The following MAST4 variants were observed in gnomAD, a reference collection of about 807,000 sequenced individuals.
MAST4 encodes microtubule-associated serine/threonine-protein kinase 4.
Under a neutral mutation model 162.7 loss-of-function variants are expected in MAST4, and 89 were observed. The ratio of observed to expected loss-of-function variants is 0.55; its 90% CI spans 0.46 to 0.65. The LOEUF is 0.65. Among genes scored for constraint, MAST4 ranks in the 30% least tolerant of loss-of-function variants. MAST4 has a pLI of 0.00. For synonymous variants in MAST4, 1,479 were observed against 1,361.1 expected (o/e 1.09, Z -1.91); for missense variants, 3,153 against 3,374.0 (o/e 0.93, Z 1.62).
chr5:66,677,861 T>C (rs142514871), intron 1 of MAST4, among the ~76,000 whole-genome samples: 6 of 152,202 alleles, frequency 3.9e-5, no homozygotes, highest in African/African-American at 1.2e-4. Context: ...GCAGGGTTCT[T>C]GTGATGTAGC....
chr5:66,722,553 G>A (rs1320423879), intron 1 of MAST4, among the ~76,000 whole-genome samples: 1 of 151,814 alleles, frequency 6.6e-6, no homozygotes, highest in Non-Finnish European at 1.5e-5. Context: ...ATCCCAGCAG[G>A]GTAGGGATCT....
rs1450114223 is a variant in MAST4, at chr5:67,166,635, A to G, written c.7456A>G (p.Lys2486Glu). The change falls in exon 29 of 29, where the codon AAG (lysine) becomes GAG (glutamate). Residue 2486 changes from lysine (K) to glutamate (E), a missense_variant. Coordinates refer to ENST00000403625, the MANE Select transcript of MAST4 (RefSeq NM_001164664.2). ...AGCCAGCAGCGACACCTCTTCTGCC[A>G]AGGCCGCCGGGGGCATGCTGGAGCT... is the stretch of plus-strand genomic sequence containing the variant. ...SAASSDTSSA[K>E]AAGGMLELPA... 1 of 1,601,322 alleles carries G rather than the reference A, an allele frequency of 6.2e-7. No homozygotes were observed. Among genetic ancestry groups the G allele is most frequent in the South Asian group, 1.1e-5 (1 of 88,730 alleles).
At chr5:66,886,441 C>A (rs26928) in intron 3 of MAST4, among the ~76,000 whole-genome samples, 52,900 of 151,724 alleles carry the variant, frequency 0.35, 10,352 homozygotes, top group Non-Finnish European at 0.45. Context: ...TGATAGGCTG[C>A]CTAAAACTTT....
chr5:66,708,564 C>T (rs1297951712), intron 1 of MAST4, among the ~76,000 whole-genome samples: 1 of 60,190 alleles, frequency 1.7e-5, no homozygotes, highest in Non-Finnish European at 3.9e-5. Flanking sequence ...ACTGTTCTGA[C>T]CTCCTTGTCT....
chr5:67,153,079 G>A (rs1482864024), intron 25 of MAST4, among the ~76,000 whole-genome samples: 2 of 152,162 alleles, frequency 1.3e-5, no homozygotes, highest in African/African-American at 4.8e-5. Context: ...TTTCATATTC[G>A]ATTGTTCTTT....
At chr5:66,707,430 C>T (rs1750207466) in intron 1 of MAST4, among the ~76,000 whole-genome samples, 1 of 152,100 alleles carries the variant, frequency 6.6e-6, no homozygotes, top group Admixed American at 6.5e-5. Context: ...AAAGTACCAC[C>T]AACAAGGGGG....
At chr5:67,074,008 A>T (rs1457686944) in intron 5 of MAST4, among the ~76,000 whole-genome samples, 2 of 152,154 alleles carry the variant, frequency 1.3e-5, no homozygotes, top group African/African-American at 4.8e-5. Context: ...AAAATACTGT[A>T]AACAAAACTA....
chr5:66,873,829 C>T (rs1761109216), intron 3 of MAST4, among the ~76,000 whole-genome samples: 1 of 152,196 alleles, frequency 6.6e-6, no homozygotes, highest in Non-Finnish European at 1.5e-5. Context: ...AATCTCTCTA[C>T]ACATGTCATT....
chr5:66,710,298 A>C (rs1026914771), intron 1 of MAST4, among the ~76,000 whole-genome samples: 1 of 152,244 alleles, frequency 6.6e-6, no homozygotes, highest in Admixed American at 6.5e-5. Flanking sequence ...CGCAATAGGC[A>C]GTGTCTGTTT....
At chr5:66,823,082 G>T (rs1757070877) in intron 3 of MAST4, among the ~76,000 whole-genome samples, 1 of 152,128 alleles carries the variant, frequency 6.6e-6, no homozygotes, top group African/African-American at 2.4e-5. Flanking sequence ...AGATCTGGTG[G>T]TTTTATAAGG....
chr5:66,696,746 C>A (rs993233747), intron 1 of MAST4, among the ~76,000 whole-genome samples: 2 of 102,094 alleles, frequency 2.0e-5, no homozygotes, highest in Non-Finnish European at 3.9e-5. Context: ...ATATCATCTG[C>A]ATTTTTTTTT....
chr5:67,066,682 A>T (rs1428857563), intron 5 of MAST4, among the ~76,000 whole-genome samples: 2 of 152,174 alleles, frequency 1.3e-5, no homozygotes, highest in Non-Finnish European at 2.9e-5. Context: ...GGTGAATAGC[A>T]TTATTCATGA....
chr5:66,925,209 A>G (rs771407513), intron 4 of MAST4, among the ~76,000 whole-genome samples: 1 of 152,154 alleles, frequency 6.6e-6, no homozygotes, highest in African/African-American at 2.4e-5. Flanking sequence ...CTGCTTGCCC[A>G]CAAAATTTGC....
intron 3 of MAST4, among the ~76,000 whole-genome samples, chr5:66,848,531 C>T (rs1222203511): frequency 6.6e-6 from 1 of 152,068 alleles, no homozygotes. Flanking sequence ...AATTTTTTAA[C>T]CTAAATGATT....
At chr5:66,719,755 C>A (rs568604219) in intron 1 of MAST4, among the ~76,000 whole-genome samples, 1 of 152,056 alleles carries the variant, frequency 6.6e-6, no homozygotes, top group South Asian at 2.1e-4. Flanking sequence ...GAAATTTGGG[C>A]AAACACTAAG....
chr5:66,642,751 A>G (rs1745569724), intron 1 of MAST4, among the ~76,000 whole-genome samples: 1 of 152,230 alleles, frequency 6.6e-6, no homozygotes, highest in Admixed American at 6.5e-5. Flanking sequence ...CAGCTCTGAG[A>G]CTATTCAAAC....
chr5:66,603,292 C>T (rs1259031470), intron 1 of MAST4, among the ~76,000 whole-genome samples: 1 of 152,196 alleles, frequency 6.6e-6, no homozygotes, highest in Non-Finnish European at 1.5e-5. Flanking sequence ...CACCGTTTCT[C>T]TTTTGCTCAT....
intron 4 of MAST4, among the ~76,000 whole-genome samples, chr5:67,020,069 A>G (rs940044177): frequency 7.9e-5 from 12 of 152,200 alleles, no homozygotes; most frequent in African/African-American, 2.7e-4. Context: ...GCTCTTATTT[A>G]TGCCTGTTCT....
At chr5:67,159,882 G>GA (rs1772991146) in intron 26 of MAST4, among the ~76,000 whole-genome samples, 2 of 152,178 alleles carry the variant, frequency 1.3e-5, no homozygotes, top group Admixed American at 1.3e-4. Flanking sequence ...TATGGTGATA[G>GA]AAAAGGAGCC....
Sources: allele counts gnomAD v4.1 joint callset (sites outside exome capture counted in the v4.1 genomes callset), GRCh38; gene constraint gnomAD v4.1.1; transcripts MANE v1.5; gene names NCBI Gene and HGNC (gene_info 2026-07-23, HGNC 2026-07-21).